The following TMTC2 variants were observed in gnomAD, a reference collection of about 807,000 sequenced individuals.
TMTC2 encodes the protein transmembrane O-mannosyltransferase targeting cadherins 2, also known as protein O-mannosyl-transferase TMTC2.
Under a neutral mutation model 82.4 loss-of-function variants are expected in TMTC2, and 43 were observed. The observed-to-expected ratio is 0.52, with a 90% CI of 0.41 to 0.67. The LOEUF (loss-of-function observed/expected upper bound fraction) is 0.67. TMTC2 is among the 30% of genes least tolerant of loss of function. TMTC2 has a pLI of 0.00. For synonymous variants in TMTC2, 408 were observed against 381.9 expected, an observed-to-expected ratio of 1.07 and a Z score of -0.80; for missense variants, 919 against 1,012.4, an observed-to-expected ratio of 0.91 and a Z score of 1.25.
rs559022462 is a variant in TMTC2 at position 82,723,767 on chromosome 12, C to T, written c.83+36098C>T. On this transcript the variant is annotated intron_variant, in intron 1 of 11. Transcript: ENST00000321196. Reference sequence around the variant, plus strand: ...AACCTATATGGCCTTTCCTGCATTACCAAACCAAAGCATAGGCTAGAGTAC... The same window carrying T: ...AACCTATATGGCCTTTCCTGCATTATCAAACCAAAGCATAGGCTAGAGTAC... Among the ~76,000 whole-genome samples the T allele has an allele frequency of 3.9e-5, 6 of 152,234 alleles. No homozygotes were observed. In the South Asian group the frequency reaches 1.2e-3, roughly 32 times the overall value.
At position 82,857,478 on chromosome 12, in the gene TMTC2, G is replaced by A. The variant is rs770071231; in HGVS notation, c.552G>A (p.Leu184=). 2.5e-6 allele frequency: 4 copies of A among 1,614,222 alleles called. No homozygotes were observed. Among genetic ancestry groups the A allele is most frequent in the Non-Finnish European group, 2.5e-6 (3 of 1,180,038 alleles). Residue 184 remains leucine (L), a synonymous_variant, in exon 2 of 12, where the codon TTG becomes TTA. Coordinates refer to ENST00000321196, the MANE Select transcript of TMTC2 (RefSeq NM_152588.3). Reference sequence around the variant, plus strand: ...GACTGTGCGCAGGATGCAGCATGTTGTGGAAGGAACAAGGAGTGACTGTTC... The same window carrying A: ...GACTGTGCGCAGGATGCAGCATGTTATGGAAGGAACAAGGAGTGACTGTTC... ...GSGLCAGCSM[L]WKEQGVTVLA...
chr12:82,694,131 G>C (rs1872692886), intron 1 of TMTC2, among the ~76,000 whole-genome samples: 1 of 151,972 alleles, frequency 6.6e-6, no homozygotes, highest in African/African-American at 2.4e-5. Flanking sequence ...TTTTGAAAAA[G>C]GCAGGAGGAC....
intron 11 of TMTC2, among the ~76,000 whole-genome samples, chr12:83,081,414 G>T (rs924295277): frequency 6.6e-6 from 1 of 152,138 alleles, no homozygotes; most frequent in Non-Finnish European, 1.5e-5. Flanking sequence ...GTTGGCTTAC[G>T]ATTTGGAAGC....
chr12:82,825,920 T>C (rs1327869352), intron 1 of TMTC2, among the ~76,000 whole-genome samples: 1 of 152,038 alleles, frequency 6.6e-6, no homozygotes, highest in African/African-American at 2.4e-5. Flanking sequence ...ACTGAGTTCC[T>C]TCAATACCAG....
chr12:82,949,817 A>C (rs992348785), intron 4 of TMTC2, among the ~76,000 whole-genome samples: 2 of 152,194 alleles, frequency 1.3e-5, no homozygotes, highest in Non-Finnish European at 2.9e-5. Flanking sequence ...TCTCACTGGC[A>C]ACCACGTCCA....
chr12:83,117,282 C>T (rs1415923993), intron 11 of TMTC2, among the ~76,000 whole-genome samples: 3 of 152,168 alleles, frequency 2.0e-5, no homozygotes, highest in Non-Finnish European at 2.9e-5. Flanking sequence ...AAACCAGCAT[C>T]ACCCTAATAC....
intron 1 of TMTC2, among the ~76,000 whole-genome samples, chr12:82,816,652 TTTTACATCAAATAATATTAGG>T (rs1832104355): frequency 6.6e-6 from 1 of 152,114 alleles, no homozygotes; most frequent in Non-Finnish European, 1.5e-5. Flanking sequence ...AACCTGCTGT[TTTTACATCAAATAATATTAGG>T]CAAAGATTAG....
Position 82,867,705 on chromosome 12 carries a change from T to C in TMTC2, c.654+10125T>C, listed in dbSNP as rs571791432. ...TGATTTCAGTACATTTCCATAACTT[T>C]TATAAAATGGAAAACTCAAAGTTAC... On this transcript the variant is annotated intron_variant, in intron 2 of 11. Transcript: ENST00000321196. Among the ~76,000 whole-genome samples, 23 of 152,326 alleles carry C rather than the reference T, an allele frequency of 1.5e-4. No individual in the cohort carries two copies. In the South Asian group the frequency reaches 3.3e-3, roughly 22 times the overall value.
intron 10 of TMTC2, among the ~76,000 whole-genome samples, chr12:83,055,865 A>C (rs967350956): frequency 2.6e-5 from 4 of 151,998 alleles, no homozygotes; most frequent in Non-Finnish European, 5.9e-5. Flanking sequence ...ACATCTGTGA[A>C]GTAAACGTTA....
chr12:82,985,491 T>G (rs1422023646), intron 7 of TMTC2, among the ~76,000 whole-genome samples: 1 of 152,206 alleles, frequency 6.6e-6, no homozygotes, highest in Non-Finnish European at 1.5e-5. Context: ...ATCTCACACT[T>G]TTTTCTTATA....
intron 11 of TMTC2, among the ~76,000 whole-genome samples, chr12:83,082,998 G>A (rs1246264310): frequency 6.6e-6 from 1 of 152,166 alleles, no homozygotes; most frequent in Non-Finnish European, 1.5e-5. Flanking sequence ...CTACTTCTGG[G>A]TCTGGGATCT....
In TMTC2 at chr12:82,883,477, A is replaced by G. The variant is rs191633548; in HGVS notation, c.655-12341A>G. Among the ~76,000 whole-genome samples the G allele has an allele frequency of 1.4e-4, 22 of 152,254 alleles. No homozygotes were observed. In the East Asian group the frequency reaches 4.1e-3, roughly 28 times the overall value. On this transcript the variant is annotated intron_variant, in intron 2 of 11. Coordinates refer to ENST00000321196, the MANE Select transcript of TMTC2 (RefSeq NM_152588.3). Reference sequence around the variant, plus strand: ...CACACTCATTAAATAGCTGTCTATTATGGTATCTTTGAGAGAAGGCGGCTG... The same window carrying G: ...CACACTCATTAAATAGCTGTCTATTGTGGTATCTTTGAGAGAAGGCGGCTG...
intron 8 of TMTC2, among the ~76,000 whole-genome samples, chr12:83,028,847 A>T (rs1446786409): frequency 6.6e-6 from 1 of 152,206 alleles, no homozygotes; most frequent in African/African-American, 2.4e-5. Context: ...AAGTGTATGT[A>T]TAGGAAACAT....
chr12:83,045,727 G>GGGCTCACACACACACACA lies in TMTC2; in HGVS notation c.2153-5177_2153-5176insGGCTCACACACACACACA, dbSNP rs1437284307. The stretch of plus-strand genomic sequence containing the variant: ...CTCCTTCACACACACACACACACAC[G>GGGCTCACACACACACACA]CACACACACACACACACACACACAC... On this transcript the variant is annotated intron_variant, in intron 9 of 11. Coordinates refer to ENST00000321196, the MANE Select transcript of TMTC2 (RefSeq NM_152588.3). 2.0e-3 allele frequency among the ~76,000 whole-genome samples: 285 copies of GGGCTCACACACACACACA among 142,524 alleles called. 1 individual carries two copies. The highest frequency in any genetic ancestry group is 0.013 in the East Asian group (58 of 4,622). 93.5% of individuals were successfully genotyped at this position (142,524 alleles called of 152,430 possible). A position where few individuals can be genotyped will look rare whatever the true frequency, so the allele number is the denominator to read the frequency against.
At chr12:82,733,311 A>G (rs1874926881) in intron 1 of TMTC2, among the ~76,000 whole-genome samples, 1 of 152,220 alleles carries the variant, frequency 6.6e-6, no homozygotes, top group South Asian at 2.1e-4. Flanking sequence ...GTTCAGCAAC[A>G]TGCGTTGAGT....
intron 1 of TMTC2, among the ~76,000 whole-genome samples, chr12:82,821,888 C>CAAA (rs59861216): frequency 1.4e-5 from 1 of 69,392 alleles, no homozygotes; most frequent in African/African-American, 4.2e-5. Context: ...GACTCCGTCT[C>CAAA]AAAAAAAAAA....
chr12:83,007,175 A>C (rs1204396653), intron 8 of TMTC2, among the ~76,000 whole-genome samples: 2 of 149,612 alleles, frequency 1.3e-5, no homozygotes, highest in African/African-American at 4.9e-5. Context: ...TTGTTTTTCT[A>C]TTCTCTCTTT....
chr12:83,077,039 G>C (rs568102673), intron 11 of TMTC2, among the ~76,000 whole-genome samples: 15 of 152,298 alleles, frequency 9.8e-5, no homozygotes, highest in African/African-American at 3.6e-4. Context: ...ATTAAAGACT[G>C]TTATGAGAGG....
At position 83,013,794 on chromosome 12, in the gene TMTC2, G is replaced by C. The variant is rs555102362; in HGVS notation, c.2071-17004G>C. On this transcript the variant is annotated intron_variant, in intron 8 of 11. Coordinates refer to ENST00000321196, the MANE Select transcript of TMTC2 (RefSeq NM_152588.3). ...CCTTATAATTTTGAGATTCATAGCA[G>C]CTTGAGCCCTGCTGAGTATTTCAAC... 5.3e-5 allele frequency among the ~76,000 whole-genome samples: 8 copies of C among 152,316 alleles called. 1 individual carries two copies. The highest frequency in any genetic ancestry group is 1.9e-4 in the African/African-American group (8 of 41,576).
Sources: allele counts gnomAD v4.1 joint callset (sites outside exome capture counted in the v4.1 genomes callset), GRCh38; gene constraint gnomAD v4.1.1; transcripts MANE v1.5; gene names NCBI Gene and HGNC (gene_info 2026-07-23, HGNC 2026-07-21).